Variants in CACNA1H observed in about 807,000 individuals in gnomAD.
The protein encoded by CACNA1H is voltage-dependent T-type calcium channel subunit alpha-1H.
CACNA1H carries 149 observed loss-of-function variants against 192.5 expected under a neutral mutation model. The ratio of observed to expected loss-of-function variants is 0.77; its 90% CI spans 0.68 to 0.89. The LOEUF is 0.89. CACNA1H is among the 40% of genes least tolerant of loss of function. CACNA1H has a pLI of 0.00. For missense variants in CACNA1H, 4,257 were observed against 3,423.5 expected (o/e 1.24, Z -6.08); for synonymous variants, 2,202 against 1,475.2 (o/e 1.49, Z -11.29).
intron 4 of CACNA1H, 103 bp from the exon 5 acceptor site, chr16:1,195,823 G>A (rs145298036): frequency 6.2e-5 from 63 of 1,008,048 alleles, no homozygotes; most frequent in African/African-American, 4.4e-4. Flanking sequence ...TCCGGGTGCC[G>A]GGCTGGCCGG....
At position 1,178,592 on chromosome 16, in the gene CACNA1H, T is replaced by G. The variant is rs993824647; in HGVS notation, c.300-16380T>G. ...CCCTGCCCACAGCATGGTCTCGGAC[T>G]CCAGCCTCCAGGCTGTGGGAGAGTG... On this transcript the variant is annotated intron_variant, in intron 2 of 34. Transcript: ENST00000348261. 1.0e-3 allele frequency among the ~76,000 whole-genome samples: 158 copies of G among 152,260 alleles called. 1 individual carries two copies. Among genetic ancestry groups the G allele is most frequent in the Non-Finnish European group, 2.1e-4 (14 of 68,006 alleles).
rs546638839 is a variant in CACNA1H at position 1,218,464 on chromosome 16, C to A, written c.5700C>A (p.Pro1900=). ...SARRVDADRP[P]LPQESPGARD... ...GCCGGGTGGACGCGGACAGGCCTCC[C>A]TTGCCCCAGGAGAGTCCGGGCGCCA... Residue 1900 remains proline (P), a synonymous_variant, in exon 33 of 35, where the codon CCC becomes CCA. Coordinates refer to ENST00000348261, the MANE Select transcript of CACNA1H (RefSeq NM_021098.3). 3.9e-6 allele frequency: 6 copies of A among 1,551,544 alleles called. No homozygotes were observed. Among genetic ancestry groups the A allele is most frequent in the Non-Finnish European group, 5.2e-6 (6 of 1,147,896 alleles).
rs182041626 is a variant in CACNA1H at position 1,184,734 on chromosome 16, G to A, written c.300-10238G>A. On this transcript the variant is annotated intron_variant, in intron 2 of 34. Transcript: ENST00000348261. ...GAGACACCCCCACCAACCTATGCCT[G>A]CCCATGTGCCGGGTCTCAATTCCTG... Among the ~76,000 whole-genome samples the A allele has an allele frequency of 4.3e-3, 653 of 152,352 alleles. 3 individuals are homozygous for A. The highest frequency in any genetic ancestry group is 7.2e-3 in the Non-Finnish European group (488 of 68,026).
Position 1,201,792 on chromosome 16 carries a change from G to A in CACNA1H, c.1342G>A (p.Ala448Thr). 1.3e-6 allele frequency: 2 copies of A among 1,597,368 alleles called. No homozygotes were observed. Among genetic ancestry groups the A allele is most frequent in the South Asian group, 1.1e-5 (1 of 88,398 alleles). Residue 448 changes from alanine to threonine, a missense_variant, in exon 9 of 35, where the codon GCC becomes ACC. Transcript: ENST00000348261. Reference sequence around the variant, plus strand: ...CCACCTGTCCAACGACAGCACGCTGGCCAGCTTCTCCGAGCCTGGCAGCTG... The same window carrying A: ...CCACCTGTCCAACGACAGCACGCTGACCAGCTTCTCCGAGCCTGGCAGCTG... Reference protein sequence around the residue: ...ARHLSNDSTLASFSEPGSCYE... With the variant: ...ARHLSNDSTLTSFSEPGSCYE...
chr16:1,185,554 G>C lies in CACNA1H; in HGVS notation c.300-9418G>C, dbSNP rs531308738. On this transcript the variant is annotated intron_variant, in intron 2 of 34. Transcript: ENST00000348261. ...GGGGAACCCTGGAGATGCTCAGAAA[G>C]CCTAGTGGGGCACGGGGGTCCATGG... Among the ~76,000 whole-genome samples, 413 of 134,672 alleles carry C rather than the reference G, an allele frequency of 3.1e-3. 41 individuals are homozygous for C. Among genetic ancestry groups the C allele is most frequent in the African/African-American group, 0.012 (393 of 32,286 alleles). 88.4% of individuals were successfully genotyped at this position (134,672 alleles called of 152,430 possible).
intron 2 of CACNA1H, among the ~76,000 whole-genome samples, chr16:1,190,479 C>T (rs1966504591): frequency 6.6e-6 from 1 of 152,186 alleles, no homozygotes; most frequent in African/African-American, 2.4e-5. Flanking sequence ...GATGTGGGAC[C>T]TCGGCTGACT....
At position 1,206,169 on chromosome 16, in the gene CACNA1H, G is replaced by T; in HGVS notation, c.2669G>T (p.Arg890Leu). ...GTGCTGCGCACCTTCCGGCTGCTGC[G>T]TGTGCTGAAGCTGGTGCGCTTTCTG... ...LSVLRTFRLL[R>L]VLKLVRFLPA... Residue 890 changes from arginine (R) to leucine (L), a missense_variant, in exon 12 of 35, where the codon CGT (arginine) becomes CTT (leucine). Coordinates refer to ENST00000348261, the MANE Select transcript of CACNA1H (RefSeq NM_021098.3). 6.3e-7 allele frequency: 1 copy of T among 1,586,408 alleles called. No homozygotes were observed. The highest frequency in any genetic ancestry group is 2.3e-5 in the East Asian group (1 of 43,400).
chr16:1,209,109 C>G lies in CACNA1H; in HGVS notation c.3441C>G (p.Ser1147Arg), dbSNP rs1356879378. 1.3e-6 allele frequency: 2 copies of G among 1,556,120 alleles called. No individual in the cohort carries two copies. The highest frequency in any genetic ancestry group is 1.7e-6 in the Non-Finnish European group (2 of 1,152,380). The change falls in exon 17 of 35, where the codon AGC (serine) becomes AGG (arginine). Residue 1147 changes from serine to arginine, a missense_variant. Physicochemically the swap from Ser to Arg is moderately radical, Grantham distance 110. Transcript: ENST00000348261. ...AWSSRRSSWS[S>R]LGRAPSLKRR... ...GCAGCCGGCGCTCCAGCTGGAGCAG[C>G]CTGGGCCGTGCCCCCAGCCTCAAGC... is the stretch of plus-strand genomic sequence containing the variant.
chr16:1,188,418 G>T (rs1439486118), intron 2 of CACNA1H, among the ~76,000 whole-genome samples: 2 of 152,102 alleles, frequency 1.3e-5, no homozygotes, highest in African/African-American at 2.4e-5. Context: ...CTGTTTGGGG[G>T]TCTGGCAGCC....
At chr16:1,187,054 A>T (rs1462347923) in intron 2 of CACNA1H, among the ~76,000 whole-genome samples, 1 of 152,190 alleles carries the variant, frequency 6.6e-6, no homozygotes, top group Admixed American at 6.5e-5. Context: ...GGCAGAGGCG[A>T]TGGAGTCCCT....
chr16:1,206,909 T>TCCCCCCCCCCCCCCCCCCCCCCCC, intron 12 of CACNA1H, 92 bp from the exon 13 acceptor site: 1 of 116,612 alleles, frequency 8.6e-6, no homozygotes, highest in Non-Finnish European at 1.6e-5. Context: ...GTCCTGCCCC[T>TCCCCCCCCCCCCCCCCCCCCCCCC]CCCTCCTCCC....
chr16:1,188,895 C>G (rs1030868357), intron 2 of CACNA1H, among the ~76,000 whole-genome samples: 1 of 152,218 alleles, frequency 6.6e-6, no homozygotes, highest in Non-Finnish European at 1.5e-5. Flanking sequence ...GGACAGCAGC[C>G]GCTGCAGCAC....
At position 1,153,972 on chromosome 16, in the gene CACNA1H, GTCT is replaced by G. The variant is rs1420201619; in HGVS notation, c.242_244del (p.Phe81del). ...CCCGTACCCGGCCTTGGCGGCCACG[GTCT>G]TCTTCTGCCTCGGTCAGACCACGCG... is the stretch of plus-strand genomic sequence containing the variant. On this transcript the variant is annotated inframe_deletion, in exon 2 of 35. Coordinates refer to ENST00000348261, the MANE Select transcript of CACNA1H (RefSeq NM_021098.3). 3.2e-5 allele frequency: 46 copies of G among 1,449,280 alleles called. No individual in the cohort carries two copies. The highest frequency in any genetic ancestry group is 9.2e-5 in the East Asian group (3 of 32,518). The allele number at this position is 1,449,280 out of a possible 1,614,324, so 89.8% of individuals were successfully genotyped here.
chr16:1,155,986 G>A (rs1011175001), intron 2 of CACNA1H, among the ~76,000 whole-genome samples: 13 of 152,118 alleles, frequency 8.5e-5, no homozygotes, highest in African/African-American at 1.7e-4. Flanking sequence ...TCCTGGTCTC[G>A]GGGGCTGGAT....
chr16:1,179,204 C>G (rs962022184), intron 2 of CACNA1H, among the ~76,000 whole-genome samples: 1 of 152,180 alleles, frequency 6.6e-6, no homozygotes, highest in Non-Finnish European at 1.5e-5. Flanking sequence ...TTTTATCTGA[C>G]GCGCCTCCCG....
rs1417138067 is a variant in CACNA1H at position 1,202,395 on chromosome 16, T to C, written c.1945T>C (p.Leu649=). The change falls in exon 9 of 35, where the codon TTG becomes CTG. Residue 649 remains leucine, a synonymous_variant. Coordinates refer to ENST00000348261, the MANE Select transcript of CACNA1H (RefSeq NM_021098.3). ...GCCAGGCACCGGGGGGCACGGCCCGTTGAGCTTGAACAGCCCTGATCCCTA... is the reference window on the plus strand; with the variant it reads ...GCCAGGCACCGGGGGGCACGGCCCGCTGAGCTTGAACAGCCCTGATCCCTA... ...GPPGTGGHGP[L]SLNSPDPYEK... The C allele has an allele frequency of 1.3e-6, 2 of 1,544,802 alleles. No individual in the cohort carries two copies. The highest frequency in any genetic ancestry group is 1.7e-6 in the Non-Finnish European group (2 of 1,145,564).
chr16:1,173,710 T>C (rs922306014), intron 2 of CACNA1H, among the ~76,000 whole-genome samples: 2 of 152,152 alleles, frequency 1.3e-5, no homozygotes, highest in African/African-American at 4.8e-5. Flanking sequence ...AGGGTGGGGC[T>C]CCCCGGCCGC....
chr16:1,178,639 C>T (rs1288405014), intron 2 of CACNA1H, among the ~76,000 whole-genome samples: 3 of 152,182 alleles, frequency 2.0e-5, no homozygotes, highest in African/African-American at 4.8e-5. Context: ...CTTCAGCCGC[C>T]GCCATCCAGC....
intron 5 of CACNA1H, among the ~76,000 whole-genome samples, chr16:1,197,809 G>A (rs1967169623): frequency 6.6e-6 from 1 of 152,196 alleles, no homozygotes; most frequent in Non-Finnish European, 1.5e-5. Flanking sequence ...GGCTTTACCT[G>A]CTGCCTTAGC....
Sources: gnomAD v4.1 joint callset for allele counts (sites outside exome capture counted in the v4.1 genomes callset) on GRCh38, gnomAD v4.1.1 for gene constraint, MANE v1.5 for transcripts, NCBI Gene and HGNC (gene_info 2026-07-23, HGNC 2026-07-21) for gene names.